The following MFSD11 variants were observed in gnomAD, a reference collection of about 807,000 sequenced individuals.
The protein encoded by MFSD11 is major facilitator superfamily domain containing 11, also known as UNC93-like protein MFSD11.
Under a neutral mutation model 53.5 loss-of-function variants are expected in MFSD11, and 36 were observed. The observed-to-expected ratio is 0.67, with a 90% CI of 0.52 to 0.89. The LOEUF is 0.89. MFSD11 is among the 40% of genes least tolerant of loss of function. The pLI, the probability that MFSD11 is intolerant of heterozygous loss-of-function variation, is 0.00. For synonymous variants in MFSD11, 186 were observed against 184.9 expected, an observed-to-expected ratio of 1.01 and a Z score of -0.05; for missense variants, 530 against 543.9, an observed-to-expected ratio of 0.97 and a Z score of 0.25.
In MFSD11 at chr17:76,769,772, G is replaced by A. The variant is rs2081224327; in HGVS notation, c.775G>A (p.Val259Ile). Residue 259 changes from valine to isoleucine, a missense_variant, in exon 10 of 13, where the codon GTA becomes ATA. By Grantham distance (29) the Val-to-Ile change is conservative. Transcript: ENST00000685175. ...TCTGGAATTAACTTTCTTCTCTGGT[G>A]TATATGGAACCTGTATTGGTGCTAC... The part of the protein sequence containing the change: ...TGLELTFFSG[V>I]YGTCIGATNK... 6.2e-7 allele frequency: 1 copy of A among 1,608,360 alleles called. No individual in the cohort carries two copies. The highest frequency in any genetic ancestry group is 8.5e-7 in the Non-Finnish European group (1 of 1,177,460).
the MFSD11 span, among the ~76,000 whole-genome samples, chr17:76,793,851 T>C: frequency 6.6e-6 from 1 of 151,538 alleles, no homozygotes; most frequent in Non-Finnish European, 1.5e-5. Context: ...CAACAGAAGA[T>C]GGAGGCAGGA....
In MFSD11 at chr17:76,741,021, G is replaced by A. The variant is rs1568041659; in HGVS notation, c.217G>A (p.Val73Ile). Residue 73 changes from valine (V) to isoleucine (I), a missense_variant, in exon 3 of 13, where the codon GTA becomes ATA. Transcript: ENST00000685175. ...GATTACACCGTCAGTGGTTGCCATT[G>A]TAGGACCTCAACTCTCTATGTTTGC... ...NLITPSVVAI[V>I]GPQLSMFASG... 2 of 1,611,516 alleles carry A rather than the reference G, an allele frequency of 1.2e-6. No individual in the cohort carries two copies. Among genetic ancestry groups the A allele is most frequent in the East Asian group, 4.5e-5 (2 of 44,754 alleles).
intron 9 of MFSD11, among the ~76,000 whole-genome samples, chr17:76,768,305 CAAAAA>C (rs78066438): frequency 2.1e-5 from 1 of 46,750 alleles, no homozygotes. Context: ...ACCTCCGTCT[CAAAAA>C]AAAAAAAAAA....
At position 76,767,399 on chromosome 17, in the gene MFSD11, G is replaced by C; in HGVS notation, c.696G>C (p.Lys232Asn). Reference protein sequence around the residue: ...KAVDAFKKSFKLCVTKEMLLL... With the variant: ...KAVDAFKKSFNLCVTKEMLLL... Reference sequence around the variant, plus strand: ...TTGTGTTTACAGAAAAGTCTTTTAAGTTATGTGTCACCAAGGAGATGCTCC... The same window carrying C: ...TTGTGTTTACAGAAAAGTCTTTTAACTTATGTGTCACCAAGGAGATGCTCC... The change falls in exon 9 of 13, where the codon AAG becomes AAC. Residue 232 changes from lysine (K) to asparagine (N), a missense_variant. Coordinates refer to ENST00000685175, the MANE Select transcript of MFSD11 (RefSeq NM_001242532.5). The C allele has an allele frequency of 1.9e-6, 3 of 1,598,748 alleles. No homozygotes were observed. Among genetic ancestry groups the C allele is most frequent in the Non-Finnish European group, 2.6e-6 (3 of 1,167,396 alleles).
At chr17:76,795,873 G>A in the MFSD11 span, among the ~76,000 whole-genome samples, 2 of 150,120 alleles carry the variant, frequency 1.3e-5, no homozygotes, top group African/African-American at 4.9e-5. Context: ...CACCATGTTG[G>A]CCAGGATGGT....
Position 76,767,401 on chromosome 17 carries a change from T to C in MFSD11, c.698T>C (p.Leu233Ser), listed in dbSNP as rs199911131. ...GTGTTTACAGAAAAGTCTTTTAAGT[T>C]ATGTGTCACCAAGGAGATGCTCCTT... ...AVDAFKKSFK[L>S]CVTKEMLLLS... The change falls in exon 9 of 13, where the codon TTA becomes TCA. Residue 233 changes from leucine (L) to serine (S), a missense_variant. Transcript: ENST00000685175. 6.3e-7 allele frequency: 1 copy of C among 1,599,542 alleles called. No homozygotes were observed. Among genetic ancestry groups the C allele is most frequent in the Non-Finnish European group, 8.6e-7 (1 of 1,167,912 alleles).
intron 6 of MFSD11, 28 bp from the exon 7 acceptor site, chr17:76,744,294 T>C (rs991912944): frequency 6.3e-7 from 1 of 1,595,224 alleles, no homozygotes; most frequent in African/African-American, 1.4e-5. Flanking sequence ...TGGTCGATAC[T>C]ATCTTGTTTC....
At chr17:76,781,749 A>G (rs1052803946), downstream of MFSD11, among the ~76,000 whole-genome samples, 49 of 152,166 alleles carry the variant, frequency 3.2e-4, 1 homozygote, top group Admixed American at 2.6e-4. Context: ...TGCTGTGTGC[A>G]GTATGGCAGG....
At chr17:76,759,621 A>G (rs552043016) in intron 8 of MFSD11, among the ~76,000 whole-genome samples, 15 of 151,886 alleles carry the variant, frequency 9.9e-5, no homozygotes, top group African/African-American at 3.6e-4. Flanking sequence ...TGCCTGGCTA[A>G]TGTTTTTTTG....
At chr17:76,768,308 A>C (rs2081055314) in intron 9 of MFSD11, among the ~76,000 whole-genome samples, 1 of 150,902 alleles carries the variant, frequency 6.6e-6, no homozygotes, top group Admixed American at 6.6e-5. Flanking sequence ...TCCGTCTCAA[A>C]AAAAAAAAAA....
At chr17:76,803,092 G>A in the MFSD11 span, among the ~76,000 whole-genome samples, 1 of 152,116 alleles carries the variant, frequency 6.6e-6, no homozygotes, top group Non-Finnish European at 1.5e-5. Context: ...GGAGGCAGAG[G>A]TTGCAAGGAG....
At chr17:76,797,190 AAAG>A in the MFSD11 span, among the ~76,000 whole-genome samples, 1 of 152,138 alleles carries the variant, frequency 6.6e-6, no homozygotes, top group Non-Finnish European at 1.5e-5. Context: ...AAAAAAGAAA[AAAG>A]AAAAGAAAGT....
intron 12 of MFSD11, among the ~76,000 whole-genome samples, chr17:76,777,928 C>T (rs940257843): frequency 1.3e-5 from 2 of 152,124 alleles, no homozygotes; most frequent in African/African-American, 4.8e-5. Flanking sequence ...TTTCTCCCAC[C>T]TTGGCCTCCC....
rs2079316961 is a variant in MFSD11 at position 76,753,937 on chromosome 17, A to G, written c.642-110A>G. On this transcript the variant is annotated intron_variant, in intron 7 of 12. Coordinates refer to ENST00000685175, the MANE Select transcript of MFSD11 (RefSeq NM_001242532.5). ...ATTCGAGTCACTGGGAATGCATCTC[A>G]GACCTGGTATAGGACAGGGTTTTTA... 5.9e-6 allele frequency: 5 copies of G among 844,750 alleles called. No individual in the cohort carries two copies. The South Asian group carries it at 6.7e-5, about 11-fold the overall frequency. The allele number at this position is 844,750 out of a possible 1,614,324, so 52.3% of individuals were successfully genotyped here.
intron 10 of MFSD11, among the ~76,000 whole-genome samples, chr17:76,771,721 A>G (rs1424282101): frequency 6.6e-6 from 1 of 152,270 alleles, no homozygotes; most frequent in African/African-American, 2.4e-5. Context: ...ACATGGTTTC[A>G]GCAGAACTTA....
intron 5 of MFSD11, 22 bp from the exon 6 acceptor site, chr17:76,743,376 A>C: frequency 6.7e-7 from 1 of 1,501,232 alleles, no homozygotes; most frequent in East Asian, 2.3e-5. Flanking sequence ...CCAACATCCT[A>C]TCCTCCCTTT....
At chr17:76,747,670 GAGA>G (rs1412858137) in intron 7 of MFSD11, among the ~76,000 whole-genome samples, 1 of 152,138 alleles carries the variant, frequency 6.6e-6, no homozygotes, top group African/African-American at 2.4e-5. Context: ...GTAGTTACTG[GAGA>G]AGGAGTCTGT....
chr17:76,749,531 CAA>C (rs36069386), intron 7 of MFSD11, among the ~76,000 whole-genome samples: 1 of 144,124 alleles, frequency 6.9e-6, no homozygotes, highest in Non-Finnish European at 1.5e-5. Context: ...GAGCCTGTCT[CAA>C]AAAAAAAAAG....
the MFSD11 span, among the ~76,000 whole-genome samples, chr17:76,793,560 C>T: frequency 4.0e-5 from 6 of 151,208 alleles, no homozygotes; most frequent in Admixed American, 1.3e-4. Context: ...GCAATCATCA[C>T]GGGGTCCTGA....
Sources: gnomAD v4.1 joint callset for allele counts (sites outside exome capture counted in the v4.1 genomes callset) on GRCh38, gnomAD v4.1.1 for gene constraint, MANE v1.5 for transcripts, NCBI Gene and HGNC (gene_info 2026-07-23, HGNC 2026-07-21) for gene names.